Variants in VARS1 observed in about 807,000 individuals in gnomAD.
VARS1 encodes the protein valyl-tRNA synthetase 1, also known as valine--tRNA ligase.
A neutral mutation model predicts 161.0 loss-of-function variants in VARS1; 92 were observed. The observed-to-expected ratio is 0.57, with a 90% CI of 0.48 to 0.68. The LOEUF (loss-of-function observed/expected upper bound fraction) is 0.68. Ranked by LOEUF, VARS1 falls within the 30% of genes least tolerant of loss-of-function variation. VARS1 has a pLI of 0.00. For missense variants in VARS1, 1,338 were observed against 1,695.9 expected (o/e 0.79, Z 3.71); for synonymous variants, 595 against 682.5 (o/e 0.87, Z 2.00).
rs117569284 is a variant in VARS1 at position 31,780,253 on chromosome 6, G to A, written c.2926-100C>T. ...CAAATCTTCATCCAGAGTCTGATGA[G>A]TCCAAAGCAACCACCTATGTGCCAG... On this transcript the variant is annotated intron_variant, in intron 25 of 29. Transcript: ENST00000375663. The surrounding 1 kb of genome is among the most constrained non-coding windows in gnomAD (Gnocchi z 5.1). 667 of 1,551,230 alleles carry A rather than the reference G, an allele frequency of 4.3e-4. 4 individuals are homozygous for A. The East Asian group carries it at 0.014, about 34-fold the overall frequency.
In VARS1 at chr6:31,782,925, GTAGCTCCGAGACCAC is replaced by G; in HGVS notation, c.1763-95_1763-81del. 1.3e-6 allele frequency: 2 copies of G among 1,552,878 alleles called. No homozygotes were observed. The highest frequency in any genetic ancestry group is 1.7e-6 in the Non-Finnish European group (2 of 1,149,022). ...ACACTCACCTCTTTTGCTGAAGGAT[GTAGCTCCGAGACCAC>G]TCCTGGCCCCCACTTGTCTAATACA... On this transcript the variant is annotated intron_variant, in intron 14 of 29. Coordinates refer to ENST00000375663, the MANE Select transcript of VARS1 (RefSeq NM_006295.3). The surrounding 1 kb of genome is among the most constrained non-coding windows in gnomAD (Gnocchi z 8.3).
At position 31,794,737 on chromosome 6, in the gene VARS1, C is replaced by T. The variant is rs1814143123; in HGVS notation, c.387+94G>A. 3 of 1,443,694 alleles carry T rather than the reference C, an allele frequency of 2.1e-6. No homozygotes were observed. The South Asian group carries it at 4.5e-5, about 22-fold the overall frequency. 89.4% of individuals were successfully genotyped at this position (1,443,694 alleles called of 1,614,324 possible). On this transcript the variant is annotated intron_variant, in intron 2 of 29. Transcript: ENST00000375663. ...GGATTTGATCACTCTTTTCCCACATCTGATGTACTACCTTCTTGTCTCATT... is the reference window on the plus strand; with the variant it reads ...GGATTTGATCACTCTTTTCCCACATTTGATGTACTACCTTCTTGTCTCATT...
Position 31,784,626 on chromosome 6 carries a change from C to T in VARS1, c.1436G>A (p.Cys479Tyr). 6.2e-7 allele frequency: 1 copy of T among 1,613,172 alleles called. No homozygotes were observed. Among genetic ancestry groups the T allele is most frequent in the Non-Finnish European group, 8.5e-7 (1 of 1,180,048 alleles). Residue 479 changes from cysteine (C) to tyrosine (Y), a missense_variant, in exon 11 of 30, where the codon TGC (cysteine) becomes TAC (tyrosine). Coordinates refer to ENST00000375663, the MANE Select transcript of VARS1 (RefSeq NM_006295.3). The surrounding 1 kb of genome is among the most constrained non-coding windows in gnomAD (Gnocchi z 6.1). ...GTCAGAGATGGCGGAGTTGAGGGTGCAGGACCAGTTAACAAGGCGGGTACT... is the reference window on the plus strand; with the variant it reads ...GTCAGAGATGGCGGAGTTGAGGGTGTAGGACCAGTTAACAAGGCGGGTACT... ...YRSTRLVNWSCTLNSAISDIE... is the reference protein window; with the variant it reads ...YRSTRLVNWSYTLNSAISDIE...
At position 31,795,017 on chromosome 6, in the gene VARS1, G is replaced by A; in HGVS notation, c.201C>T (p.Leu67=). The A allele has an allele frequency of 6.3e-7, 1 of 1,589,776 alleles. No homozygotes were observed. The highest frequency in any genetic ancestry group is 8.6e-7 in the Non-Finnish European group (1 of 1,165,980). The part of the protein sequence containing the change: ...LPALEQGPGG[L]WVWGATAVAQ... ...CCACAGCCGTGGCCCCCCACACCCA[G>A]AGCCCACCGGGCCCCTGCTCCAGGG... The change falls in exon 2 of 30, where the codon CTC becomes CTT. Residue 67 remains leucine (L), a synonymous_variant. Transcript: ENST00000375663. This position sits in a 1 kb window ranked among gnomAD's most constrained non-coding sequence, Gnocchi z 6.9.
At chr6:31,794,670 C>A (rs1238787200) in intron 2 of VARS1, among the ~76,000 whole-genome samples, 161 bp downstream of exon 2, 5 of 152,240 alleles carry the variant, frequency 3.3e-5, no homozygotes. Flanking sequence ...CACAGCGGGT[C>A]TATGAAACGT....
rs746481165 is a variant in VARS1 at position 31,782,456 on chromosome 6, G to A, written c.1992-13C>T. 1.5e-5 allele frequency: 24 copies of A among 1,611,902 alleles called. No individual in the cohort carries two copies. Among genetic ancestry groups the A allele is most frequent in the South Asian group, 2.2e-5 (2 of 90,982 alleles). ...GTCCTTCGACCGGCTGGGGGTACACGTAGGTGAGAAGGCCAGGCGGTAAAA... is the reference window on the plus strand; with the variant it reads ...GTCCTTCGACCGGCTGGGGGTACACATAGGTGAGAAGGCCAGGCGGTAAAA... On this transcript the variant is annotated splice_polypyrimidine_tract_variant and intron_variant, in intron 16 of 29. Coordinates refer to ENST00000375663, the MANE Select transcript of VARS1 (RefSeq NM_006295.3). The surrounding 1 kb of genome is among the most constrained non-coding windows in gnomAD (Gnocchi z 8.3).
At chr6:31,792,690 A>G in intron 4 of VARS1, 67 bp downstream of exon 4, 2 of 1,601,384 alleles carry the variant, frequency 1.2e-6, no homozygotes, top group Non-Finnish European at 1.7e-6. Context: ...TCTAGGAAAA[A>G]AAGAAAGTGA....
At chr6:31,793,310 T>TG (rs1471489986) in intron 2 of VARS1, among the ~76,000 whole-genome samples, 190 bp from the exon 3 acceptor site, 2 of 152,106 alleles carry the variant, frequency 1.3e-5, no homozygotes, top group Non-Finnish European at 2.9e-5. Context: ...GAGACCATCC[T>TG]GGCTAACATG....
rs1194762902 is a variant in VARS1, at chr6:31,777,900, C to T, written c.3727-238G>A. The T allele has an allele frequency of 1.5e-5, 9 of 596,812 alleles. No homozygotes were observed. 37.0% of individuals were successfully genotyped at this position (596,812 alleles called of 1,614,324 possible). The stretch of plus-strand genomic sequence containing the variant: ...GGTGAGTCCCCAAGAACAAAGGAAC[C>T]TCAGAGCCTACGTGTTCCCCATTCA... On this transcript the variant is annotated intron_variant, in intron 29 of 29. Transcript: ENST00000375663. This position sits in a 1 kb window ranked among gnomAD's most constrained non-coding sequence, Gnocchi z 5.8.
rs1472868752 is a variant in VARS1, at chr6:31,778,998, G to T, written c.3695C>A (p.Pro1232Gln). 6.2e-7 allele frequency: 1 copy of T among 1,613,020 alleles called. No individual in the cohort carries two copies. The highest frequency in any genetic ancestry group is 8.5e-7 in the Non-Finnish European group (1 of 1,180,032). The change falls in exon 29 of 30, where the codon CCG becomes CAG. Residue 1232 changes from proline (P) to glutamine (Q), a missense_variant. Coordinates refer to ENST00000375663, the MANE Select transcript of VARS1 (RefSeq NM_006295.3). The surrounding 1 kb of genome is among the most constrained non-coding windows in gnomAD (Gnocchi z 5.1). Reference protein sequence around the residue: ...RAASGYPVKVPLEVQEADEAK... With the variant: ...RAASGYPVKVQLEVQEADEAK... Reference sequence around the variant, plus strand: ...TTCATCTGCCTCCTGGACTTCGAGCGGCACCTTGACAGGATAGCCCGAGGC... The same window carrying T: ...TTCATCTGCCTCCTGGACTTCGAGCTGCACCTTGACAGGATAGCCCGAGGC...
Position 31,791,912 on chromosome 6 carries a change from G to C in VARS1, c.931C>G (p.Pro311Ala), listed in dbSNP as rs1293222921. ...SPRYVEAAWYPWWEQQGFFKP... is the reference protein window; with the variant it reads ...SPRYVEAAWYAWWEQQGFFKP... ...AAGAAGCCCTGCTGCTCCCACCAAGGGTACCAGGCAGCCTCCACATACCGA... is the reference window on the plus strand; with the variant it reads ...AAGAAGCCCTGCTGCTCCCACCAAGCGTACCAGGCAGCCTCCACATACCGA... Residue 311 changes from proline to alanine, a missense_variant, in exon 7 of 30, where the codon CCT becomes GCT. Around this residue, in one of 3 missense-constraint regions of VARS1, gnomAD observed 902 missense variants for 1,090.3 expected, o/e 0.83. Coordinates refer to ENST00000375663, the MANE Select transcript of VARS1 (RefSeq NM_006295.3). The surrounding 1 kb of genome is among the most constrained non-coding windows in gnomAD (Gnocchi z 5.0). 6.2e-7 allele frequency: 1 copy of C among 1,606,590 alleles called. No homozygotes were observed. The highest frequency in any genetic ancestry group is 1.3e-5 in the African/African-American group (1 of 74,804).
Position 31,780,505 on chromosome 6 carries a change from C to T in VARS1, c.2861G>A (p.Trp954Ter). The change falls in exon 25 of 30, where the codon TGG becomes TAG. Residue 954 changes from tryptophan (W) to a stop codon, truncating the protein, a stop_gained. Coordinates refer to ENST00000375663, the MANE Select transcript of VARS1 (RefSeq NM_006295.3). LOFTEE classifies it high-confidence loss of function. The surrounding 1 kb of genome is among the most constrained non-coding windows in gnomAD (Gnocchi z 5.1). Reference protein sequence around the residue: ...LGYRHFCNKLWNATKFALRGL... With the variant: ...LGYRHFCNKL ...ACGAAGGGCAAACTTGGTGGCATTC[C>T]AGAGCTTGTTGCAGAAGTGGCGGTA... The T allele has an allele frequency of 6.2e-7, 1 of 1,614,072 alleles. No homozygotes were observed. Among genetic ancestry groups the T allele is most frequent in the Non-Finnish European group, 8.5e-7 (1 of 1,180,014 alleles).
Position 31,782,241 on chromosome 6 carries a change from C to A in VARS1, c.2150+44G>T, listed in dbSNP as rs752671425. 3.1e-6 allele frequency: 5 copies of A among 1,610,534 alleles called. No homozygotes were observed. The highest frequency in any genetic ancestry group is 4.2e-6 in the Non-Finnish European group (5 of 1,178,044). On this transcript the variant is annotated intron_variant, in intron 17 of 29. Transcript: ENST00000375663. The surrounding 1 kb of genome is among the most constrained non-coding windows in gnomAD (Gnocchi z 8.3). ...TGGAGCCTGGCCCGAGTGAGCCCTG[C>A]TCAGCCCTCGGCAAGCCCCTCCCAC...
chr6:31,784,580 G>A lies in VARS1; in HGVS notation c.1467+15C>T, dbSNP rs753619291. 1 of 1,613,394 alleles carries A rather than the reference G, an allele frequency of 6.2e-7. No individual in the cohort carries two copies. Among genetic ancestry groups the A allele is most frequent in the Admixed American group, 1.7e-5 (1 of 60,032 alleles). On this transcript the variant is annotated intron_variant, in intron 11 of 29. Transcript: ENST00000375663. The surrounding 1 kb of genome is among the most constrained non-coding windows in gnomAD (Gnocchi z 6.1). Reference sequence around the variant, plus strand: ...GTAGATTGGAGATGGAGACAGGCCAGGTTGGGGGGCGCACCTCAATGTCAG... The same window carrying A: ...GTAGATTGGAGATGGAGACAGGCCAAGTTGGGGGGCGCACCTCAATGTCAG...
In VARS1 at chr6:31,784,265, T is replaced by G. The variant is rs1448107956; in HGVS notation, c.1620A>C (p.Thr540=). 6.2e-7 allele frequency: 1 copy of G among 1,614,158 alleles called. No homozygotes were observed. Among genetic ancestry groups the G allele is most frequent in the African/African-American group, 1.3e-5 (1 of 75,040 alleles). Residue 540 remains threonine, a synonymous_variant, in exon 13 of 30, where the codon ACA becomes ACC. Coordinates refer to ENST00000375663, the MANE Select transcript of VARS1 (RefSeq NM_006295.3). The surrounding 1 kb of genome is among the most constrained non-coding windows in gnomAD (Gnocchi z 6.1). ...CAGCTACAGCCACATCTCCCAGCATTGTCTCGATCCGAGTTGTTGCCACCA... is the reference window on the plus strand; with the variant it reads ...CAGCTACAGCCACATCTCCCAGCATGGTCTCGATCCGAGTTGTTGCCACCA... ...EVVVATTRIE[T]MLGDVAVAVH...
Position 31,777,589 on chromosome 6 carries a change from G to T in VARS1, c.*5C>A. ...TGGGGGTGAGGGGTGAAGCTGGGTG[G>T]TGGATCACAGCATCTTCTGGAATAG... On this transcript the variant is annotated 3_prime_UTR_variant, in exon 30 of 30. Transcript: ENST00000375663. The surrounding 1 kb of genome is among the most constrained non-coding windows in gnomAD (Gnocchi z 5.8). 6.2e-7 allele frequency: 1 copy of T among 1,614,096 alleles called. No individual in the cohort carries two copies. Among genetic ancestry groups the T allele is most frequent in the Non-Finnish European group, 8.5e-7 (1 of 1,179,994 alleles).
In VARS1 at chr6:31,791,866, C is replaced by T; in HGVS notation, c.972+5G>A. 6.2e-7 allele frequency: 1 copy of T among 1,610,694 alleles called. No homozygotes were observed. Among genetic ancestry groups the T allele is most frequent in the Non-Finnish European group, 8.5e-7 (1 of 1,178,738 alleles). On this transcript the variant is annotated splice_donor_5th_base_variant and intron_variant, in intron 7 of 29. Coordinates refer to ENST00000375663, the MANE Select transcript of VARS1 (RefSeq NM_006295.3). This position sits in a 1 kb window ranked among gnomAD's most constrained non-coding sequence, Gnocchi z 5.0. Reference sequence around the variant, plus strand: ...CTCTGGGCCTGGGCAGCAGTGCCTACTCACCCCATACTCTGGCTTGAAGAA... The same window carrying T: ...CTCTGGGCCTGGGCAGCAGTGCCTATTCACCCCATACTCTGGCTTGAAGAA...
At chr6:31,788,042 C>T (rs375990635) in intron 8 of VARS1, among the ~76,000 whole-genome samples, 150 of 151,380 alleles carry the variant, frequency 9.9e-4, no homozygotes, top group African/African-American at 3.2e-3. Context: ...ATGGTGTGAA[C>T]CTGGGAGGAG....
Position 31,784,794 on chromosome 6 carries a change from C to T in VARS1, c.1348-80G>A, listed in dbSNP as rs1813395084. 1.3e-6 allele frequency: 2 copies of T among 1,596,394 alleles called. No individual in the cohort carries two copies. Among genetic ancestry groups the T allele is most frequent in the South Asian group, 2.3e-5 (2 of 88,450 alleles). On this transcript the variant is annotated intron_variant, in intron 10 of 29. Transcript: ENST00000375663. This position sits in a 1 kb window ranked among gnomAD's most constrained non-coding sequence, Gnocchi z 6.1. ...GCAGACACCCAGGGCTCCAGTGAGG[C>T]CTTGCCCATACAGAGTCCCACTGGC...
Sources: gnomAD v4.1 joint callset for allele counts (sites outside exome capture counted in the v4.1 genomes callset) on GRCh38, gnomAD v4.1.1 for gene constraint, gnomAD v4.1.1 regional missense constraint, Gnocchi (gnomAD v3.1) non-coding constraint, MANE v1.5 for transcripts, NCBI Gene and HGNC (gene_info 2026-07-23, HGNC 2026-07-21) for gene names.